The following ABHD18 variants were observed in gnomAD, a reference collection of about 807,000 sequenced individuals.
ABHD18 encodes the protein cardiolipin-specific deacylase, mitochondrial.
In ABHD18, 55 loss-of-function variants were observed where a neutral mutation model predicts 65.9. That is an observed-to-expected ratio of 0.84 (90% CI 0.67 to 1.05). The LOEUF (loss-of-function observed/expected upper bound fraction) is 1.05, where lower values mean the gene tolerates loss of function less well. Ranked by LOEUF, ABHD18 falls within the 50% of genes least tolerant of loss-of-function variation. The pLI, the probability that ABHD18 is intolerant of heterozygous loss-of-function variation, is 0.00. For synonymous variants in ABHD18, 181 were observed against 180.2 expected, an observed-to-expected ratio of 1.00 and a Z score of -0.04; for missense variants, 533 against 558.5, an observed-to-expected ratio of 0.95 and a Z score of 0.46.
rs201887935 is a variant in ABHD18 at position 127,984,337 on chromosome 4, A to G, written c.93-2A>G. 7.4e-5 allele frequency: 114 copies of G among 1,544,930 alleles called. No homozygotes were observed. The highest frequency in any genetic ancestry group is 9.6e-5 in the Non-Finnish European group (110 of 1,141,398). ...TCCTTTTTGTCTTCTTTCCCATAAT[A>G]GACTCTTTGAATTCAGAAAGATGAT... On this transcript the variant is annotated splice_acceptor_variant, in intron 2 of 12. Coordinates refer to ENST00000645843, the MANE Select transcript of ABHD18 (RefSeq NM_001358451.3). LOFTEE classifies it high-confidence loss of function.
intron 4 of ABHD18, among the ~76,000 whole-genome samples, chr4:128,007,198 A>G (rs1753740276): frequency 6.6e-6 from 1 of 152,046 alleles, no homozygotes; most frequent in Admixed American, 6.6e-5. Context: ...ACATGCCTGT[A>G]GTCCCAGCTG....
chr4:128,023,883 C>G (rs1560923430), intron 10 of ABHD18, among the ~76,000 whole-genome samples: 1 of 151,180 alleles, frequency 6.6e-6, no homozygotes, highest in Non-Finnish European at 1.5e-5. Flanking sequence ...GACTCCGTCT[C>G]AAAAAAACAA....
intron 4 of ABHD18, among the ~76,000 whole-genome samples, chr4:127,997,776 C>G (rs1463142216): frequency 2.6e-5 from 4 of 152,120 alleles, no homozygotes; most frequent in Non-Finnish European, 5.9e-5. Flanking sequence ...CATCTTCCTC[C>G]CTCCTTACTT....
At chr4:128,002,801 G>T (rs769694798) in intron 4 of ABHD18, among the ~76,000 whole-genome samples, 6 of 149,344 alleles carry the variant, frequency 4.0e-5, no homozygotes, top group African/African-American at 1.5e-4. Context: ...GTGCCACCAC[G>T]CCTGGCTAAT....
chr4:128,006,505 C>A (rs983576013), intron 4 of ABHD18, among the ~76,000 whole-genome samples: 1 of 152,118 alleles, frequency 6.6e-6, no homozygotes, highest in Non-Finnish European at 1.5e-5. Flanking sequence ...TTCTATTCAG[C>A]AATTTATTGA....
At chr4:127,977,736 T>A (rs1406669722) in intron 1 of ABHD18, among the ~76,000 whole-genome samples, 1 of 152,114 alleles carries the variant, frequency 6.6e-6, no homozygotes, top group African/African-American at 2.4e-5. Context: ...CCAATTCTAA[T>A]ACAAAACTTG....
chr4:127,996,403 G>A (rs1046182750), intron 4 of ABHD18, among the ~76,000 whole-genome samples: 6 of 151,934 alleles, frequency 3.9e-5, no homozygotes, highest in South Asian at 2.1e-4. Context: ...TGGCGACCCC[G>A]AGCCGCAAAA....
chr4:127,969,986 C>T lies in ABHD18; in HGVS notation c.-18+4380C>T, dbSNP rs569633336. Among the ~76,000 whole-genome samples, 11 of 152,054 alleles carry T rather than the reference C, an allele frequency of 7.2e-5. No individual in the cohort carries two copies. In the South Asian group the frequency reaches 1.7e-3, roughly 23 times the overall value. On this transcript the variant is annotated intron_variant, in intron 1 of 12. Transcript: ENST00000645843. ...CTTGTCTTGCGCTCCTGGGCCCGAGCAGTCCTCCCGTCTTGGCCTCCCAAA... is the reference window on the plus strand; with the variant it reads ...CTTGTCTTGCGCTCCTGGGCCCGAGTAGTCCTCCCGTCTTGGCCTCCCAAA...
At chr4:128,032,827 T>G (rs1016030795) in intron 12 of ABHD18, among the ~76,000 whole-genome samples, 1 of 152,190 alleles carries the variant, frequency 6.6e-6, no homozygotes, top group African/African-American at 2.4e-5. Flanking sequence ...TAAGAGACTA[T>G]TCACATGATT....
At chr4:127,979,856 C>T (rs897314707) in intron 1 of ABHD18, among the ~76,000 whole-genome samples, 4 of 135,862 alleles carry the variant, frequency 2.9e-5, no homozygotes, top group African/African-American at 1.1e-4. Context: ...GTAGAGGTTG[C>T]ATTGAGCCAA....
intron 1 of ABHD18, 128 bp downstream of exon 1, chr4:127,965,734 C>G (rs1288396368): frequency 6.0e-6 from 1 of 165,612 alleles, no homozygotes; most frequent in African/African-American, 2.4e-5. Context: ...GGGTCAGGGA[C>G]GCGGGGTGAG....
At chr4:128,029,751 G>A (rs1208281070) in intron 11 of ABHD18, among the ~76,000 whole-genome samples, 2 of 152,114 alleles carry the variant, frequency 1.3e-5, no homozygotes, top group African/African-American at 4.8e-5. Flanking sequence ...TTTGAACCCG[G>A]GAGGTGGAGG....
intron 4 of ABHD18, among the ~76,000 whole-genome samples, chr4:127,993,300 T>C (rs541368832): frequency 1.8e-4 from 27 of 152,292 alleles, no homozygotes; most frequent in Middle Eastern, 3.4e-3. Flanking sequence ...GACTCAGAAA[T>C]ACTCCTCAAC....
chr4:127,974,925 G>A (rs1747599860), intron 1 of ABHD18, among the ~76,000 whole-genome samples: 2 of 150,574 alleles, frequency 1.3e-5, no homozygotes, highest in Non-Finnish European at 2.9e-5. Flanking sequence ...GAACCCAGGA[G>A]GTGGAGGTTG....
rs1318768144 is a variant in ABHD18, at chr4:128,038,389, G to A, written c.*2576G>A. ...GAGGTTATATGATTGAATGCTTTTT[G>A]AACAATGGTTTTAGTAAAACAAATA... is the stretch of plus-strand genomic sequence containing the variant. On this transcript the variant is annotated 3_prime_UTR_variant, in exon 13 of 13. Coordinates refer to ENST00000645843, the MANE Select transcript of ABHD18 (RefSeq NM_001358451.3). 6.6e-6 allele frequency: 1 copy of A among 152,024 alleles called. No individual in the cohort carries two copies. The highest frequency in any genetic ancestry group is 1.5e-5 in the Non-Finnish European group (1 of 68,024). The allele number at this position is 152,024 out of a possible 1,614,324, so 9.4% of individuals were successfully genotyped here. A position where few individuals can be genotyped will look rare whatever the true frequency, so the allele number is the denominator to read the frequency against.
At chr4:128,006,458 A>C (rs1271673957) in intron 4 of ABHD18, among the ~76,000 whole-genome samples, 2 of 152,186 alleles carry the variant, frequency 1.3e-5, no homozygotes, top group Non-Finnish European at 1.5e-5. Flanking sequence ...ACAACACAGA[A>C]ATAATTCTTA....
At chr4:127,993,596 C>T (rs956076598) in intron 4 of ABHD18, among the ~76,000 whole-genome samples, 1 of 152,002 alleles carries the variant, frequency 6.6e-6, no homozygotes, top group Non-Finnish European at 1.5e-5. Flanking sequence ...AAAAAAATTC[C>T]ACCAATGAGT....
rs1046639328 is a variant in ABHD18 at position 128,039,922 on chromosome 4, G to A, written c.*4109G>A. On this transcript the variant is annotated 3_prime_UTR_variant, in exon 13 of 13. Coordinates refer to ENST00000645843, the MANE Select transcript of ABHD18 (RefSeq NM_001358451.3). ...ACCAAAATTTTCCCCAAATATGTGT[G>A]ATCTGAGGGAAATAAACATTCTTAC... 4 of 152,094 alleles carry A rather than the reference G, an allele frequency of 2.6e-5. No individual in the cohort carries two copies. Among genetic ancestry groups the A allele is most frequent in the Non-Finnish European group, 5.9e-5 (4 of 68,032 alleles). 9.4% of individuals were successfully genotyped at this position (152,094 alleles called of 1,614,324 possible).
intron 4 of ABHD18, among the ~76,000 whole-genome samples, chr4:128,006,409 T>C (rs749759679): frequency 1.3e-5 from 2 of 152,228 alleles, no homozygotes; most frequent in Non-Finnish European, 2.9e-5. Flanking sequence ...ACAGTGCCAG[T>C]TCTCGTTATG....
Sources: gnomAD v4.1 joint callset for allele counts (sites outside exome capture counted in the v4.1 genomes callset) on GRCh38, gnomAD v4.1.1 for gene constraint, MANE v1.5 for transcripts, NCBI Gene and HGNC (gene_info 2026-07-23, HGNC 2026-07-21) for gene names.